NPIPB2: variants seen among roughly 807,000 people sequenced by gnomAD.
NPIPB2 encodes nuclear pore complex-interacting protein family member B2.
Under a neutral mutation model 30.8 loss-of-function variants are expected in NPIPB2, and 27 were observed. That is an observed-to-expected ratio of 0.88 (90% CI 0.65 to 1.21). The LOEUF (loss-of-function observed/expected upper bound fraction) is 1.21, where lower values mean the gene tolerates loss of function less well. Ranked by LOEUF, NPIPB2 falls within the 50% of genes most tolerant of loss-of-function variation. The pLI is 0.00. For missense variants in NPIPB2, 440 were observed against 446.2 expected (o/e 0.99, Z 0.13); for synonymous variants, 147 against 162.0 (o/e 0.91, Z 0.70).
intron 1 of NPIPB2, among the ~76,000 whole-genome samples, chr16:11,974,570 C>T (rs1003271044): frequency 1.3e-5 from 2 of 151,978 alleles, no homozygotes; most frequent in African/African-American, 4.8e-5. Context: ...TTGAGTAAGT[C>T]TCCTTCAGCA....
intron 1 of NPIPB2, among the ~76,000 whole-genome samples, chr16:11,970,177 T>C (rs2055227568): frequency 6.6e-6 from 1 of 151,564 alleles, no homozygotes. Context: ...GGTGAAAACC[T>C]GTCTTGTCCC....
chr16:11,950,570 G>T (rs1395034968), intron 1 of NPIPB2, among the ~76,000 whole-genome samples: 2 of 152,100 alleles, frequency 1.3e-5, no homozygotes, highest in Non-Finnish European at 2.9e-5. Context: ...GAGAGTTTAT[G>T]CAAAGTCCCT....
At chr16:11,959,436 A>G (rs1346111901) in intron 1 of NPIPB2, among the ~76,000 whole-genome samples, 1 of 151,946 alleles carries the variant, frequency 6.6e-6, no homozygotes, top group Non-Finnish European at 1.5e-5. Flanking sequence ...TAAAAAGGAA[A>G]AAAAATTGCT....
At chr16:11,957,987 T>G (rs553852948) in intron 1 of NPIPB2, among the ~76,000 whole-genome samples, 2 of 152,264 alleles carry the variant, frequency 1.3e-5, no homozygotes, top group South Asian at 4.1e-4. Context: ...CCCCCACACA[T>G]CCTGCCAACA....
intron 1 of NPIPB2, among the ~76,000 whole-genome samples, chr16:11,962,355 T>G (rs8051343): frequency 1.3e-5 from 2 of 151,750 alleles, no homozygotes; most frequent in Non-Finnish European, 2.9e-5. Context: ...AAATATTAGC[T>G]GGGCATGGTG....
At chr16:11,966,385 G>C in intron 1 of NPIPB2, 2 of 1,576,522 alleles carry the variant, frequency 1.3e-6, no homozygotes, top group East Asian at 4.5e-5. Flanking sequence ...CCAGGGGATG[G>C]CTATTGTGAG....
At chr16:11,945,731 A>G (rs2055000869), upstream of NPIPB2, among the ~76,000 whole-genome samples, 1 of 152,048 alleles carries the variant, frequency 6.6e-6, no homozygotes, top group African/African-American at 2.4e-5. Flanking sequence ...AGCATAGGGA[A>G]TGTGAAGGCC....
intron 1 of NPIPB2, 46 bp from the exon 2 acceptor site, chr16:11,937,714 C>G (rs1435167565): frequency 3.1e-6 from 5 of 1,589,068 alleles, no homozygotes; most frequent in Non-Finnish European, 4.3e-6. Context: ...ATGACACTGA[C>G]AATATTTCAC....
intron 1 of NPIPB2, among the ~76,000 whole-genome samples, chr16:11,956,617 A>G (rs1334188908): frequency 6.6e-6 from 1 of 152,198 alleles, no homozygotes; most frequent in Non-Finnish European, 1.5e-5. Context: ...TGGAGGTTGC[A>G]GTGAGCTGAG....
intron 1 of NPIPB2, chr16:11,967,945 G>C: frequency 7.3e-7 from 1 of 1,376,250 alleles, no homozygotes; most frequent in Non-Finnish European, 9.8e-7. Flanking sequence ...TTCAGTTGCC[G>C]ATACAGCTTT....
At position 11,954,308 on chromosome 16, in the gene NPIPB2, G is replaced by A. The variant is rs558235194; in HGVS notation, c.-583-12194C>T. Among the ~76,000 whole-genome samples the A allele has an allele frequency of 3.2e-3, 482 of 151,652 alleles. 3 individuals carry two copies. Among genetic ancestry groups the A allele is most frequent in the African/African-American group, 0.011 (455 of 41,374 alleles). On this transcript the variant is annotated intron_variant, in intron 1 of 5. Coordinates refer to the NPIPB2 transcript ENST00000538896. ...TTGAGACCAGCCTGGGCAATGTAGC[G>A]AGACCCCATCTCTGAAAAAAAATTA...
intron 1 of NPIPB2, among the ~76,000 whole-genome samples, chr16:11,959,709 C>T (rs1448407218): frequency 6.6e-6 from 1 of 152,188 alleles, no homozygotes; most frequent in Non-Finnish European, 1.5e-5. Context: ...CATCAGTCTT[C>T]TTTCTAGCTT....
Position 11,940,849 on chromosome 16 carries a change from A to G in NPIPB2, c.63+1134T>C, listed in dbSNP as rs1411416714. On this transcript the variant is annotated intron_variant, in intron 1 of 7. Transcript: ENST00000399147. Reference sequence around the variant, plus strand: ...TTTGTTTTGGTCCATTTTGTTTGTTAGAGACAAGAGTGCAGCGGGGCCATC... The same window carrying G: ...TTTGTTTTGGTCCATTTTGTTTGTTGGAGACAAGAGTGCAGCGGGGCCATC... Among the ~76,000 whole-genome samples, 794 of 145,776 alleles carry G rather than the reference A, an allele frequency of 5.4e-3. 8 individuals carry two copies. Among genetic ancestry groups the G allele is most frequent in the African/African-American group, 0.019 (756 of 40,096 alleles).
At chr16:11,961,736 T>C (rs953308052) in intron 1 of NPIPB2, among the ~76,000 whole-genome samples, 1 of 150,550 alleles carries the variant, frequency 6.6e-6, no homozygotes, top group Non-Finnish European at 1.5e-5. Context: ...GCTGAAATTT[T>C]GCCACCACAC....
chr16:11,947,578 T>C (rs1201693615), intron 1 of NPIPB2, among the ~76,000 whole-genome samples: 1 of 151,724 alleles, frequency 6.6e-6, no homozygotes, highest in African/African-American at 2.4e-5. Context: ...TCTCCTGACC[T>C]CGTGATCTGC....
intron 1 of NPIPB2, among the ~76,000 whole-genome samples, chr16:11,938,702 T>G (rs2054899155): frequency 6.6e-6 from 1 of 152,106 alleles, no homozygotes; most frequent in Non-Finnish European, 1.5e-5. Context: ...CTGGGCCACA[T>G]GCAGCCCGTC....
chr16:11,965,271 A>G, intron 1 of NPIPB2: 1 of 1,609,612 alleles, frequency 6.2e-7, no homozygotes, highest in Non-Finnish European at 8.5e-7. Flanking sequence ...TAGAGATATT[A>G]CTTGTCCTTC....
chr16:11,970,141 G>A (rs550178715), intron 1 of NPIPB2, among the ~76,000 whole-genome samples: 2 of 152,156 alleles, frequency 1.3e-5, no homozygotes, highest in South Asian at 4.2e-4. Context: ...CTGAGGTCAG[G>A]AGTTAGAGAC....
intron 1 of NPIPB2, among the ~76,000 whole-genome samples, chr16:11,953,021 G>A (rs8063976): frequency 0.25 from 37,439 of 152,166 alleles, 5,863 homozygotes; most frequent in Non-Finnish European, 0.37. Flanking sequence ...AAGAGCACTA[G>A]AGTGCTCATG....
Sources: gnomAD v4.1 joint callset for allele counts (sites outside exome capture counted in the v4.1 genomes callset) on GRCh38, gnomAD v4.1.1 for gene constraint, MANE v1.5 for transcripts, NCBI Gene and HGNC (gene_info 2026-07-23, HGNC 2026-07-21) for gene names.